GXYLT2: variants seen among roughly 807,000 people sequenced by gnomAD.
GXYLT2 encodes the protein glycosyltransferase 8 domain containing 4.
A neutral mutation model predicts 45.8 loss-of-function variants in GXYLT2; 53 were observed. That is an observed-to-expected ratio of 1.16 (90% CI 0.93 to 1.46). The LOEUF (loss-of-function observed/expected upper bound fraction) is 1.46, where lower values mean the gene tolerates loss of function less well. GXYLT2 is among the 40% of genes most tolerant of loss of function. The pLI, the probability that GXYLT2 is intolerant of heterozygous loss-of-function variation, is 0.00. For missense variants in GXYLT2, 551 were observed against 544.4 expected (o/e 1.01, Z -0.12); for synonymous variants, 219 against 214.2 (o/e 1.02, Z -0.19).
At chr3:72,930,592 C>CTTTTTT (rs71126806) in intron 3 of GXYLT2, among the ~76,000 whole-genome samples, 47 of 101,614 alleles carry the variant, frequency 4.6e-4, no homozygotes, top group South Asian at 7.3e-4. Flanking sequence ...TCTTCTTCTT[C>CTTTTTT]TTTTTTTTTT....
chr3:72,908,063 A>G (rs1050449625), intron 1 of GXYLT2: 9 of 249,494 alleles, frequency 3.6e-5, no homozygotes, highest in South Asian at 1.0e-4. Flanking sequence ...TAGCAATACT[A>G]TTTCCAAACA....
intron 3 of GXYLT2, chr3:72,926,899 C>A (rs1709928850): frequency 6.6e-6 from 1 of 152,168 alleles, no homozygotes; most frequent in African/African-American, 2.4e-5. Flanking sequence ...ATGATAATGT[C>A]TGATGTCTTT....
At chr3:72,933,993 G>A (rs112889694) in intron 3 of GXYLT2, among the ~76,000 whole-genome samples, 1 of 151,928 alleles carries the variant, frequency 6.6e-6, no homozygotes, top group Admixed American at 6.6e-5. Flanking sequence ...ACTTGTGTTG[G>A]ATTAAAGATG....
intron 2 of GXYLT2, among the ~76,000 whole-genome samples, chr3:72,915,798 A>T (rs1184413456): frequency 6.6e-6 from 1 of 151,382 alleles, no homozygotes; most frequent in Non-Finnish European, 1.5e-5. Context: ...GCGCCACTGC[A>T]CTCTATCCTG....
chr3:72,905,703 A>C (rs540567267), intron 1 of GXYLT2, among the ~76,000 whole-genome samples: 3 of 152,288 alleles, frequency 2.0e-5, no homozygotes, highest in African/African-American at 7.2e-5. Context: ...CTATGTTGCC[A>C]AATGGCTCTC....
chr3:72,959,878 A>G (rs1392992968), intron 5 of GXYLT2, among the ~76,000 whole-genome samples: 1 of 150,676 alleles, frequency 6.6e-6, no homozygotes, highest in East Asian at 2.0e-4. Flanking sequence ...CAGGTGATCC[A>G]CCCTCCTTGG....
At chr3:72,929,707 A>G (rs964717271) in intron 3 of GXYLT2, 1 of 604,816 alleles carries the variant, frequency 1.7e-6, no homozygotes, top group Non-Finnish European at 3.0e-6. Flanking sequence ...CACAACATCC[A>G]GAAAAAAGAA....
intron 2 of GXYLT2, among the ~76,000 whole-genome samples, chr3:72,920,022 CTG>C (rs1432490608): frequency 2.0e-5 from 3 of 152,158 alleles, no homozygotes; most frequent in Admixed American, 2.0e-4. Context: ...ATAGGGGAAA[CTG>C]TAGGGGAGGG....
Position 72,888,278 on chromosome 3 carries a change from G to C in GXYLT2, c.45G>C (p.Leu15=), listed in dbSNP as rs551431157. 4,334 of 994,548 alleles carry C rather than the reference G, an allele frequency of 4.4e-3. 16 individuals carry two copies. The highest frequency in any genetic ancestry group is 4.5e-3 in the Non-Finnish European group (3,793 of 838,536). The allele number at this position is 994,548 out of a possible 1,614,324, so 61.6% of individuals were successfully genotyped here. ...CGGCGGCGCTGCTCTTGCTCGCGCT[G>C]GCCGCGCTGCTGCTGGCGCTGCTGT... ...SKAAALLLLA[L]AALLLALLSL... Residue 15 remains leucine (L), a synonymous_variant, in exon 1 of 7, where the codon CTG becomes CTC. Coordinates refer to ENST00000389617, the MANE Select transcript of GXYLT2 (RefSeq NM_001080393.2).
rs1709098098 is a variant in GXYLT2 at position 72,888,090 on chromosome 3, C to G, written c.-144C>G. 1 of 350,854 alleles carries G rather than the reference C, an allele frequency of 2.9e-6. No individual in the cohort carries two copies. The highest frequency in any genetic ancestry group is 4.0e-6 in the Non-Finnish European group (1 of 252,462). The allele number at this position is 350,854 out of a possible 1,614,324, so 21.7% of individuals were successfully genotyped here. ...CCTTCGCCGTCGCCGCCGCCGCCGGCCGCCCGCCGGCCGCCACGACCCCAG... is the reference window on the plus strand; with the variant it reads ...CCTTCGCCGTCGCCGCCGCCGCCGGGCGCCCGCCGGCCGCCACGACCCCAG... On this transcript the variant is annotated 5_prime_UTR_variant, in exon 1 of 7. Transcript: ENST00000389617.
intron 2 of GXYLT2, among the ~76,000 whole-genome samples, chr3:72,909,948 T>C (rs1390763311): frequency 2.0e-5 from 3 of 152,046 alleles, no homozygotes; most frequent in Non-Finnish European, 2.9e-5. Flanking sequence ...AAATGTGTTA[T>C]GTTTGAGTAG....
intron 1 of GXYLT2, among the ~76,000 whole-genome samples, chr3:72,891,816 A>G (rs566766765): frequency 6.6e-6 from 1 of 152,244 alleles, no homozygotes; most frequent in East Asian, 1.9e-4. Context: ...TAAGTGTTCA[A>G]TTTAAGCCTG....
intron 1 of GXYLT2, among the ~76,000 whole-genome samples, chr3:72,896,629 G>A (rs924076059): frequency 6.6e-5 from 10 of 151,976 alleles, no homozygotes; most frequent in African/African-American, 2.4e-4. Context: ...CGGGCAGATC[G>A]CTTGAGATCA....
In GXYLT2 at chr3:72,904,511, C is replaced by T. The variant is rs1316184759; in HGVS notation, c.276-3856C>T. ...GGTTTTATTTTTCTTTAGTACCTGT[C>T]ACCAGACACTGTGAATGATTGTCGT... is the stretch of plus-strand genomic sequence containing the variant. On this transcript the variant is annotated intron_variant, in intron 1 of 6. Transcript: ENST00000389617. Among the ~76,000 whole-genome samples the T allele has an allele frequency of 2.0e-5, 3 of 152,102 alleles. No individual in the cohort carries two copies. In the East Asian group the frequency reaches 5.8e-4, roughly 29 times the overall value.
chr3:72,958,104 C>G (rs944805383), intron 5 of GXYLT2, among the ~76,000 whole-genome samples: 1 of 146,864 alleles, frequency 6.8e-6, no homozygotes, highest in Non-Finnish European at 1.5e-5. Context: ...AATCCCATCT[C>G]TACTAAAAAT....
chr3:72,922,821 C>CT (rs1164886348), intron 3 of GXYLT2, among the ~76,000 whole-genome samples: 1 of 152,074 alleles, frequency 6.6e-6, no homozygotes, highest in African/African-American at 2.4e-5. Flanking sequence ...TTTTTGGTTG[C>CT]TTTTTTAAAA....
intron 3 of GXYLT2, among the ~76,000 whole-genome samples, chr3:72,946,493 C>G (rs1337501489): frequency 2.0e-5 from 3 of 151,976 alleles, no homozygotes; most frequent in Non-Finnish European, 4.4e-5. Flanking sequence ...CTTCTCGGTT[C>G]CAGAGGCTGG....
intron 2 of GXYLT2, among the ~76,000 whole-genome samples, chr3:72,916,154 T>G (rs1056129834): frequency 1.3e-5 from 2 of 150,534 alleles, no homozygotes; most frequent in Non-Finnish European, 2.9e-5. Context: ...GGTGGAAACT[T>G]AAGATCTAGT....
chr3:72,972,058 C>A (rs1477532565), intron 6 of GXYLT2, among the ~76,000 whole-genome samples: 1 of 151,822 alleles, frequency 6.6e-6, no homozygotes, highest in Admixed American at 6.6e-5. Flanking sequence ...CAGTTTCTCT[C>A]TATATACCTT....
Sources: gnomAD v4.1 joint callset for allele counts (sites outside exome capture counted in the v4.1 genomes callset) on GRCh38, gnomAD v4.1.1 for gene constraint, MANE v1.5 for transcripts, NCBI Gene and HGNC (gene_info 2026-07-23, HGNC 2026-07-21) for gene names.